PSMG4: variants seen among roughly 807,000 people sequenced by gnomAD.
PSMG4 encodes proteasome assembly chaperone 4.
In PSMG4, 10 loss-of-function variants were observed where a neutral mutation model predicts 11.0. The observed-to-expected ratio is 0.91, with a 90% CI of 0.56 to 1.54. The LOEUF is 1.54. PSMG4 is among the 40% of genes most tolerant of loss of function. The probability of loss-of-function intolerance (pLI) is 0.00; values close to 1 mark genes in which losing one functional copy is unlikely to be tolerated. For synonymous variants in PSMG4, 95 were observed against 71.3 expected (o/e 1.33, Z -1.68); for missense variants, 198 against 160.9 (o/e 1.23, Z -1.25).
intron 1 of PSMG4, among the ~76,000 whole-genome samples, chr6:3,262,167 AC>A (rs545849855): frequency 2.0e-4 from 31 of 151,472 alleles, no homozygotes; most frequent in African/African-American, 7.5e-4. Context: ...GGATTCTTGG[AC>A]CCCCCGCCCG....
chr6:3,254,957 T>TG (rs1434386457), upstream of PSMG4: 5 of 1,379,556 alleles, frequency 3.6e-6, no homozygotes, highest in Non-Finnish European at 2.9e-6. Flanking sequence ...TGTTGGGTGT[T>TG]GCAGAGCATG....
upstream of PSMG4, among the ~76,000 whole-genome samples, chr6:3,254,642 A>G (rs187347110): frequency 5.8e-4 from 88 of 152,268 alleles, no homozygotes; most frequent in Admixed American, 1.4e-3. Flanking sequence ...CTGATTGTGA[A>G]GGCCTACAGC....
upstream of PSMG4, among the ~76,000 whole-genome samples, chr6:3,256,652 T>C (rs953833161): frequency 1.7e-4 from 26 of 152,182 alleles, no homozygotes; most frequent in African/African-American, 5.8e-4. Context: ...CCATTCTTGA[T>C]TTCTTTTGAT....
At chr6:3,259,238 G>A (rs1297229177) in intron 1 of PSMG4, 42 bp downstream of exon 1, 12 of 1,248,140 alleles carry the variant, frequency 9.6e-6, no homozygotes, top group African/African-American at 1.6e-5. Flanking sequence ...CGGGGCGGGG[G>A]CGCGGGGGCG....
chr6:3,254,740 G>A (rs558837488), upstream of PSMG4, among the ~76,000 whole-genome samples: 1 of 152,164 alleles, frequency 6.6e-6, no homozygotes. Context: ...AACTCCCCCT[G>A]TGCCTCTTTT....
upstream of PSMG4, among the ~76,000 whole-genome samples, chr6:3,258,041 G>A (rs1469382658): frequency 6.7e-6 from 1 of 150,250 alleles, no homozygotes; most frequent in Non-Finnish European, 1.5e-5. Flanking sequence ...AATCTCTAAA[G>A]TCAGTTGTAA....
Position 3,267,344 on chromosome 6 carries a change from C to G in PSMG4, c.251-247C>G, listed in dbSNP as rs1046520891. On this transcript the variant is annotated intron_variant, in intron 2 of 2. Transcript: ENST00000438998. ...CCAGCAGCTGCCTCTCGAACAAGTT[C>G]CAGGGAGGCTGCTGAGGTGGGGCCT... 1.2e-5 allele frequency: 4 copies of G among 332,490 alleles called. No homozygotes were observed. The Admixed American group carries it at 1.3e-4, about 11-fold the overall frequency. 20.6% of individuals were successfully genotyped at this position (332,490 alleles called of 1,614,324 possible).
chr6:3,263,234 G>A (rs888757016), intron 1 of PSMG4, among the ~76,000 whole-genome samples: 6 of 152,230 alleles, frequency 3.9e-5, no homozygotes, highest in Admixed American at 2.6e-4. Context: ...TCCCTCACAG[G>A]CTGAGATGAG....
chr6:3,263,515 C>T (rs1483143779), intron 1 of PSMG4, among the ~76,000 whole-genome samples, 169 bp from the exon 2 acceptor site: 1 of 152,216 alleles, frequency 6.6e-6, no homozygotes, highest in Non-Finnish European at 1.5e-5. Flanking sequence ...ATGGGGTCCA[C>T]CTACTTGGTT....
intron 1 of PSMG4, among the ~76,000 whole-genome samples, chr6:3,260,891 C>T (rs1010483407): frequency 3.3e-5 from 5 of 152,234 alleles, no homozygotes; most frequent in East Asian, 1.9e-4. Context: ...GGCTCTGTTA[C>T]CTCTTAGAGC....
At chr6:3,257,185 T>C (rs898231614), upstream of PSMG4, among the ~76,000 whole-genome samples, 2 of 152,130 alleles carry the variant, frequency 1.3e-5, no homozygotes, top group Non-Finnish European at 2.9e-5. Flanking sequence ...TGAACTTGGG[T>C]TTGGGTCAGC....
upstream of PSMG4, among the ~76,000 whole-genome samples, chr6:3,254,527 C>G (rs555620740): frequency 6.6e-6 from 1 of 150,914 alleles, no homozygotes; most frequent in South Asian, 2.1e-4. Context: ...TGAGCTGTAA[C>G]AATTATCTGG....
upstream of PSMG4, among the ~76,000 whole-genome samples, chr6:3,257,381 A>G (rs1430460588): frequency 1.3e-5 from 2 of 152,226 alleles, no homozygotes; most frequent in Admixed American, 1.3e-4. Context: ...ATGTATAACC[A>G]GTGAAACCAT....
intron 2 of PSMG4, 155 bp from the exon 3 acceptor site, chr6:3,267,436 G>A: frequency 3.9e-6 from 3 of 767,156 alleles, no homozygotes; most frequent in Non-Finnish European, 5.9e-6. Flanking sequence ...TGCATTTGCA[G>A]CACCTGTCTG....
upstream of PSMG4, among the ~76,000 whole-genome samples, chr6:3,258,321 A>G (rs1318374101): frequency 6.6e-6 from 1 of 152,232 alleles, no homozygotes; most frequent in African/African-American, 2.4e-5. Flanking sequence ...GGCCATGTAC[A>G]TGACTGCAGC....
At chr6:3,264,713 T>C (rs1465441245) in intron 2 of PSMG4, 1 of 160,856 alleles carries the variant, frequency 6.2e-6, no homozygotes, top group Admixed American at 6.4e-5. Context: ...TGGTAATTTT[T>C]AACTAGGAAG....
chr6:3,259,000 T>C lies in PSMG4; in HGVS notation c.-23T>C, dbSNP rs1757858675. On this transcript the variant is annotated 5_prime_UTR_variant, in exon 1 of 3. Coordinates refer to ENST00000438998, the MANE Select transcript of PSMG4 (RefSeq NM_001128591.2). The stretch of plus-strand genomic sequence containing the variant: ...CGGCGAGGACCCGGGTCTGGCGCTG[T>C]GGGCCGGGAGCCGTGGGGCGGCATG... The C allele has an allele frequency of 5.6e-6, 7 of 1,240,304 alleles. No individual in the cohort carries two copies. Among genetic ancestry groups the C allele is most frequent in the Non-Finnish European group, 7.1e-6 (7 of 991,600 alleles). 76.8% of individuals were successfully genotyped at this position (1,240,304 alleles called of 1,614,324 possible). A position where few individuals can be genotyped will look rare whatever the true frequency, so the allele number is the denominator to read the frequency against.
At chr6:3,254,701 T>G (rs942238848), upstream of PSMG4, among the ~76,000 whole-genome samples, 2 of 149,118 alleles carry the variant, frequency 1.3e-5, no homozygotes, top group African/African-American at 4.9e-5. Flanking sequence ...AAAGAAGCTG[T>G]GGGATGCGCC....
rs898671843 is a variant in PSMG4 at position 3,267,652 on chromosome 6, C to T, written c.312C>T (p.Phe104=). ...SYNLQNTDSN[F]ALLVENRIKE... ...ACCTTCAGAACACAGACAGTAACTT[C>T]GCATTACTTGTAGAAAACAGGATCA... The change falls in exon 3 of 3, where the codon TTC becomes TTT. Residue 104 remains phenylalanine (F), a synonymous_variant. Transcript: ENST00000438998. The T allele has an allele frequency of 1.2e-5, 18 of 1,551,940 alleles. No homozygotes were observed. The highest frequency in any genetic ancestry group is 8.2e-5 in the African/African-American group (6 of 73,028).
Sources: gnomAD v4.1 joint callset for allele counts (sites outside exome capture counted in the v4.1 genomes callset) on GRCh38, gnomAD v4.1.1 for gene constraint, MANE v1.5 for transcripts, NCBI Gene and HGNC (gene_info 2026-07-23, HGNC 2026-07-21) for gene names.